The following NTNG1 variants were observed in gnomAD, a reference collection of about 807,000 sequenced individuals.
The protein encoded by NTNG1 is netrin G1.
NTNG1 carries 16 observed loss-of-function variants against 54.0 expected under a neutral mutation model. The observed-to-expected ratio is 0.30, with a 90% CI of 0.20 to 0.45. The LOEUF (loss-of-function observed/expected upper bound fraction) is 0.45, where lower values mean the gene tolerates loss of function less well. Ranked by LOEUF, NTNG1 falls within the 20% of genes least tolerant of loss-of-function variation. NTNG1 has a pLI of 1.00. For missense variants in NTNG1, 530 were observed against 678.7 expected (o/e 0.78, Z 2.43); for synonymous variants, 255 against 263.1 (o/e 0.97, Z 0.30).
chr1:107,168,356 C>T (rs72979570), intron 2 of NTNG1, among the ~76,000 whole-genome samples: 1,533 of 151,914 alleles, frequency 0.01, 33 homozygotes, highest in African/African-American at 0.034. Flanking sequence ...AGTTATTAAT[C>T]GATGAAGTAA....
intron 2 of NTNG1, among the ~76,000 whole-genome samples, chr1:107,318,054 A>T (rs563529180): frequency 3.9e-5 from 6 of 152,314 alleles, no homozygotes; most frequent in Non-Finnish European, 7.4e-5. Context: ...CATAGTATTT[A>T]GGATGTAGTA....
chr1:107,476,360 C>T (rs575281936), intron 7 of NTNG1, among the ~76,000 whole-genome samples: 8 of 152,244 alleles, frequency 5.3e-5, no homozygotes, highest in Non-Finnish European at 1.0e-4. Context: ...TTTGCAACAA[C>T]GACCACCACC....
chr1:107,443,184 T>A (rs926683617), intron 7 of NTNG1, among the ~76,000 whole-genome samples: 9 of 152,096 alleles, frequency 5.9e-5, no homozygotes, highest in African/African-American at 2.2e-4. Context: ...CAGTTTATAG[T>A]AAGAACCACA....
chr1:107,163,100 A>G (rs554295248), intron 2 of NTNG1, among the ~76,000 whole-genome samples: 3 of 152,294 alleles, frequency 2.0e-5, no homozygotes, highest in East Asian at 1.9e-4. Flanking sequence ...AAAAGTAGCA[A>G]TGATAAGTCT....
chr1:107,383,924 T>G (rs1671792849), intron 3 of NTNG1, among the ~76,000 whole-genome samples: 1 of 152,260 alleles, frequency 6.6e-6, no homozygotes, highest in Non-Finnish European at 1.5e-5. Flanking sequence ...TGTTAATTGC[T>G]TATTGGCCTT....
At chr1:107,234,082 C>T (rs1661241756) in intron 2 of NTNG1, among the ~76,000 whole-genome samples, 2 of 152,076 alleles carry the variant, frequency 1.3e-5, no homozygotes, top group Admixed American at 1.3e-4. Context: ...GAGGGAATAA[C>T]TTATACATCT....
chr1:107,211,922 G>T (rs753422162), intron 2 of NTNG1, among the ~76,000 whole-genome samples: 1 of 152,160 alleles, frequency 6.6e-6, no homozygotes, highest in East Asian at 1.9e-4. Flanking sequence ...AGTTTATGGG[G>T]AGAAATGTAT....
At chr1:107,155,151 C>A (rs1369434371) in intron 2 of NTNG1, among the ~76,000 whole-genome samples, 1 of 151,962 alleles carries the variant, frequency 6.6e-6, no homozygotes, top group Non-Finnish European at 1.5e-5. Flanking sequence ...GCTTGCTCTG[C>A]TTTTCTTTGA....
rs949939390 is a variant in NTNG1, at chr1:107,484,304, G to A, written c.*3464G>A. ...GAAGGAGATAGACAAGGGCTACCACGAGGCTGGGGGCCAGTACAGAACACT... is the reference window on the plus strand; with the variant it reads ...GAAGGAGATAGACAAGGGCTACCACAAGGCTGGGGGCCAGTACAGAACACT... On this transcript the variant is annotated 3_prime_UTR_variant, in exon 8 of 8. Coordinates refer to ENST00000370068, the MANE Select transcript of NTNG1 (RefSeq NM_001113226.3). Among the ~76,000 whole-genome samples, 4 of 152,192 alleles carry A rather than the reference G, an allele frequency of 2.6e-5. No individual in the cohort carries two copies. Among genetic ancestry groups the A allele is most frequent in the African/African-American group, 4.8e-5 (2 of 41,446 alleles).
chr1:107,448,587 G>A (rs1676437465), intron 7 of NTNG1, among the ~76,000 whole-genome samples: 7 of 152,180 alleles, frequency 4.6e-5, no homozygotes, highest in Admixed American at 3.3e-4. Flanking sequence ...GAGAAGCAGA[G>A]GACTGGATAA....
At chr1:107,376,411 AC>A (rs1413177795) in intron 3 of NTNG1, among the ~76,000 whole-genome samples, 2 of 21,578 alleles carry the variant, frequency 9.3e-5, no homozygotes, top group Non-Finnish European at 2.8e-4. Context: ...CCGTCTCAAA[AC>A]AAAACAAAAA....
intron 2 of NTNG1, among the ~76,000 whole-genome samples, chr1:107,163,946 T>C (rs1655588053): frequency 6.6e-6 from 1 of 152,224 alleles, no homozygotes; most frequent in Non-Finnish European, 1.5e-5. Context: ...TTATTTTGGC[T>C]GCCATATTAT....
chr1:107,189,366 AGTTTGGGTGAATTTAGAAAAG>A (rs1657720937), intron 2 of NTNG1, among the ~76,000 whole-genome samples: 1 of 149,304 alleles, frequency 6.7e-6, no homozygotes, highest in Non-Finnish European at 1.5e-5. Flanking sequence ...AAAAAAAAAA[AGTTTGGGTGAATTTAGAAAAG>A]AAAATGAAGT....
At chr1:107,325,809 G>C (rs771148463) in intron 3 of NTNG1, among the ~76,000 whole-genome samples, 3 of 152,028 alleles carry the variant, frequency 2.0e-5, no homozygotes, top group Non-Finnish European at 4.4e-5. Context: ...CTAGCAAAGG[G>C]AAAGGCAAGC....
intron 3 of NTNG1, among the ~76,000 whole-genome samples, chr1:107,352,822 C>T (rs1383588589): frequency 1.3e-5 from 2 of 152,222 alleles, no homozygotes; most frequent in Non-Finnish European, 2.9e-5. Context: ...GCAGGCTTAA[C>T]ACCACATGGA....
At chr1:107,296,730 A>T (rs983692260) in intron 2 of NTNG1, among the ~76,000 whole-genome samples, 1 of 148,138 alleles carries the variant, frequency 6.8e-6, no homozygotes, top group Non-Finnish European at 1.5e-5. Context: ...CCAGTTATAT[A>T]TAATATTCCA....
intron 2 of NTNG1, among the ~76,000 whole-genome samples, chr1:107,160,953 G>A (rs570518263): frequency 4.6e-5 from 7 of 152,014 alleles, no homozygotes; most frequent in South Asian, 2.1e-4. Context: ...TTTACAAACC[G>A]GGACAGCACA....
At chr1:107,374,040 A>T (rs1463294048) in intron 3 of NTNG1, among the ~76,000 whole-genome samples, 2 of 152,122 alleles carry the variant, frequency 1.3e-5, no homozygotes, top group East Asian at 3.8e-4. Flanking sequence ...CTGGGTAGAG[A>T]GTCCTAGATT....
At chr1:107,210,727 A>G (rs1247138157) in intron 2 of NTNG1, among the ~76,000 whole-genome samples, 1 of 152,176 alleles carries the variant, frequency 6.6e-6, no homozygotes, top group Non-Finnish European at 1.5e-5. Flanking sequence ...GAATCTACAC[A>G]AAGATTCAAA....
Sources: allele counts gnomAD v4.1 joint callset (sites outside exome capture counted in the v4.1 genomes callset), GRCh38; gene constraint gnomAD v4.1.1; transcripts MANE v1.5; gene names NCBI Gene and HGNC (gene_info 2026-07-23, HGNC 2026-07-21).